PDE8B: variants seen among roughly 807,000 people sequenced by gnomAD.
PDE8B encodes the protein high affinity cAMP-specific and IBMX-insensitive 3',5'-cyclic phosphodiesterase 8B.
In PDE8B, 26 loss-of-function variants were observed where a neutral mutation model predicts 101.3. The observed-to-expected ratio is 0.26, with a 90% CI of 0.19 to 0.36. The LOEUF is 0.36. Among genes scored for constraint, PDE8B ranks in the 10% least tolerant of loss-of-function variants. The pLI is 1.00. For synonymous variants in PDE8B, 424 were observed against 429.3 expected (o/e 0.99, Z 0.15); for missense variants, 810 against 1,163.1 (o/e 0.70, Z 4.42).
intron 17 of PDE8B, among the ~76,000 whole-genome samples, chr5:77,413,744 ATTTATG>A (rs1434459356): frequency 6.6e-6 from 1 of 152,116 alleles, no homozygotes; most frequent in Non-Finnish European, 1.5e-5. Context: ...TTTTACATAT[ATTTATG>A]TTTGTGTTTT....
chr5:77,360,745 T>C (rs1782952734), intron 10 of PDE8B, among the ~76,000 whole-genome samples: 1 of 152,200 alleles, frequency 6.6e-6, no homozygotes, highest in Non-Finnish European at 1.5e-5. Context: ...CTTGCTTTCC[T>C]GAGCCCCCTG....
At chr5:77,309,091 A>G in intron 1 of PDE8B, among the ~76,000 whole-genome samples, 1 of 151,970 alleles carries the variant, frequency 6.6e-6, no homozygotes. Flanking sequence ...AGGCAGGAAA[A>G]TCACTTGAAC....
intron 1 of PDE8B, among the ~76,000 whole-genome samples, chr5:77,227,358 T>C (rs148529440): frequency 1.5e-4 from 23 of 152,346 alleles, no homozygotes; most frequent in African/African-American, 5.3e-4. Context: ...AGGAGTTTTC[T>C]TGGCTCACAA....
chr5:77,384,074 A>G (rs1581388037), intron 10 of PDE8B, among the ~76,000 whole-genome samples: 3 of 152,308 alleles, frequency 2.0e-5, no homozygotes, highest in African/African-American at 7.2e-5. Context: ...TACTATGGGC[A>G]GTATGGCCAT....
intron 1 of PDE8B, chr5:77,291,036 A>T (rs1767209658): frequency 1.2e-6 from 2 of 1,611,780 alleles, no homozygotes; most frequent in Non-Finnish European, 1.7e-6. Flanking sequence ...GATGGCCCTG[A>T]TGGTGCAGGA....
At chr5:77,175,981 TA>T in the PDE8B span, among the ~76,000 whole-genome samples, 1 of 152,244 alleles carries the variant, frequency 6.6e-6, no homozygotes, top group Non-Finnish European at 1.5e-5. Context: ...CCATTTGTTT[TA>T]ACCTCATCAG....
At chr5:77,409,182 C>A (rs899504576) in intron 14 of PDE8B, 125 bp downstream of exon 14, 1 of 767,458 alleles carries the variant, frequency 1.3e-6, no homozygotes. Context: ...TTAGCATAAC[C>A]AGAAGCAACT....
chr5:77,373,865 T>C (rs1785544732), intron 10 of PDE8B, among the ~76,000 whole-genome samples: 2 of 152,330 alleles, frequency 1.3e-5, no homozygotes, highest in South Asian at 2.1e-4. Context: ...TTTCGTTTTT[T>C]TGAGACGGAG....
the PDE8B span, chr5:77,105,937 G>A: frequency 7.2e-5 from 11 of 152,084 alleles, no homozygotes; most frequent in Non-Finnish European, 1.3e-4. Context: ...ATGAGGTTGG[G>A]GTCTTTCCAT....
chr5:77,097,725 A>ATATATATC, the PDE8B span, among the ~76,000 whole-genome samples: 1 of 65,160 alleles, frequency 1.5e-5, no homozygotes, highest in African/African-American at 3.8e-5. Flanking sequence ...ATATATATAT[A>ATATATATC]TATATATACA....
chr5:77,287,372 TA>T (rs1766237771), intron 1 of PDE8B, among the ~76,000 whole-genome samples: 1 of 152,144 alleles, frequency 6.6e-6, no homozygotes, highest in Admixed American at 6.5e-5. Flanking sequence ...TGGCTATTTT[TA>T]AACGTTTTTC....
At chr5:77,417,840 T>C (rs1271582464) in intron 17 of PDE8B, among the ~76,000 whole-genome samples, 3 of 152,192 alleles carry the variant, frequency 2.0e-5, no homozygotes, top group Non-Finnish European at 4.4e-5. Flanking sequence ...ATCTGAGCCA[T>C]TTGCTACCAG....
chr5:77,354,341 G>C (rs759989034), intron 10 of PDE8B, among the ~76,000 whole-genome samples: 11 of 152,220 alleles, frequency 7.2e-5, no homozygotes, highest in Non-Finnish European at 1.6e-4. Flanking sequence ...ATAAGATATA[G>C]TTGGAGATAA....
At chr5:77,410,546 C>A in intron 14 of PDE8B, 1 of 152,202 alleles carries the variant, frequency 6.6e-6, no homozygotes, top group Non-Finnish European at 1.5e-5. Context: ...TGGGTTTCCT[C>A]TCCAGAGAAT....
intron 10 of PDE8B, among the ~76,000 whole-genome samples, chr5:77,360,157 C>A (rs1009265857): frequency 6.6e-6 from 1 of 151,904 alleles, no homozygotes. Flanking sequence ...CATAGCTGAG[C>A]TATTTCTTAA....
At chr5:77,260,064 T>C (rs1760150098) in intron 1 of PDE8B, among the ~76,000 whole-genome samples, 1 of 148,050 alleles carries the variant, frequency 6.8e-6, no homozygotes, top group South Asian at 2.1e-4. Flanking sequence ...CTTGGGAGGC[T>C]GAGGCAGGAG....
At chr5:77,332,429 T>C (rs184865737) in intron 5 of PDE8B, among the ~76,000 whole-genome samples, 58 of 152,238 alleles carry the variant, frequency 3.8e-4, no homozygotes, top group African/African-American at 1.4e-3. Context: ...ACTATAAACA[T>C]CATGAATAAC....
rs1467577780 is a variant in PDE8B at position 77,412,248 on chromosome 5, T to C, written c.1712+13T>C. ...TTACGCATAAAAGGTATGTGACTTC[T>C]CTGGCTGAAGGCAGAGCAGGATTGA... On this transcript the variant is annotated intron_variant, in intron 16 of 21. Coordinates refer to ENST00000264917, the MANE Select transcript of PDE8B (RefSeq NM_003719.5). 6.2e-7 allele frequency: 1 copy of C among 1,613,898 alleles called. No homozygotes were observed. The highest frequency in any genetic ancestry group is 1.1e-5 in the South Asian group (1 of 91,080).
chr5:77,261,111 T>C (rs1369598061), intron 1 of PDE8B, among the ~76,000 whole-genome samples: 4 of 152,166 alleles, frequency 2.6e-5, no homozygotes, highest in Non-Finnish European at 5.9e-5. Flanking sequence ...GAAATAAAAA[T>C]GGTCTGGTAT....
Sources: allele counts gnomAD v4.1 joint callset (sites outside exome capture counted in the v4.1 genomes callset), GRCh38; gene constraint gnomAD v4.1.1; transcripts MANE v1.5; gene names NCBI Gene and HGNC (gene_info 2026-07-23, HGNC 2026-07-21).